Variants in METTL5 observed in about 807,000 individuals in gnomAD.
METTL5 encodes rRNA N(6)-adenosine-methyltransferase METTL5.
In METTL5, 28 loss-of-function variants were observed where a neutral mutation model predicts 26.5. The ratio of observed to expected loss-of-function variants is 1.06; its 90% CI spans 0.78 to 1.45. The LOEUF is 1.45. METTL5 is among the 40% of genes most tolerant of loss of function. The probability of loss-of-function intolerance (pLI) is 0.00; values close to 1 mark genes in which losing one functional copy is unlikely to be tolerated. For synonymous variants in METTL5, 86 were observed against 82.6 expected (o/e 1.04, Z -0.22); for missense variants, 231 against 249.9 (o/e 0.92, Z 0.51).
chr2:169,816,455 T>G (rs1014018243), intron 4 of METTL5, among the ~76,000 whole-genome samples: 2 of 152,056 alleles, frequency 1.3e-5, no homozygotes, highest in African/African-American at 2.4e-5. Context: ...CTACTTTAAA[T>G]TTCATATGGA....
rs1449224214 is a variant in METTL5 at position 169,819,544 on chromosome 2, A to G, written c.489+17T>C. 14 of 1,569,248 alleles carry G rather than the reference A, an allele frequency of 8.9e-6. No individual in the cohort carries two copies. The highest frequency in any genetic ancestry group is 1.2e-5 in the Non-Finnish European group (14 of 1,141,862). Reference sequence around the variant, plus strand: ...TTAAAAATCAATGCCACAGAATATCAGATGATTTGAACTTACTTCTCTAGT... The same window carrying G: ...TTAAAAATCAATGCCACAGAATATCGGATGATTTGAACTTACTTCTCTAGT... On this transcript the variant is annotated intron_variant, in intron 4 of 6. Coordinates refer to ENST00000260953, the MANE Select transcript of METTL5 (RefSeq NM_014168.4).
intron 1 of METTL5, 41 bp from the exon 2 acceptor site, chr2:169,822,098 G>A: frequency 6.4e-7 from 1 of 1,572,188 alleles, no homozygotes; most frequent in Non-Finnish European, 8.6e-7. Context: ...GCAAGCCGGT[G>A]ACTAAAATCT....
At position 169,824,753 on chromosome 2, in the gene METTL5, G is replaced by C. The variant is rs2081631049; in HGVS notation, c.-156C>G. 5 of 606,220 alleles carry C rather than the reference G, an allele frequency of 8.2e-6. No homozygotes were observed. Among genetic ancestry groups the C allele is most frequent in the South Asian group, 7.7e-5 (4 of 51,900 alleles). The allele number at this position is 606,220 out of a possible 1,614,324, so 37.6% of individuals were successfully genotyped here. A position where few individuals can be genotyped will look rare whatever the true frequency, so the allele number is the denominator to read the frequency against. ...ACGCGCCCTAAGGAGACGCCCGGAC[G>C]CAGGGCACGGGGCGAGCCTCTGACC... On this transcript the variant is annotated 5_prime_UTR_variant, in exon 1 of 7. Coordinates refer to ENST00000260953, the MANE Select transcript of METTL5 (RefSeq NM_014168.4).
chr2:169,820,495 C>T (rs2081569477), intron 3 of METTL5, among the ~76,000 whole-genome samples: 1 of 152,130 alleles, frequency 6.6e-6, no homozygotes, highest in South Asian at 2.1e-4. Flanking sequence ...CAATAAATGA[C>T]ATGACTATCT....
At chr2:169,818,164 A>G (rs1219763040) in intron 4 of METTL5, among the ~76,000 whole-genome samples, 1 of 152,150 alleles carries the variant, frequency 6.6e-6, no homozygotes, top group Non-Finnish European at 1.5e-5. Context: ...TGCCTACATG[A>G]TCAGTCCCTA....
chr2:169,812,817 T>A (rs1471353529), intron 5 of METTL5: 1 of 223,576 alleles, frequency 4.5e-6, no homozygotes, highest in Admixed American at 5.8e-5. Flanking sequence ...AATTTCCTAA[T>A]AGTCTATAGC....
chr2:169,822,026 A>T lies in METTL5; in HGVS notation c.141T>A (p.Tyr47Ter). The stretch of plus-strand genomic sequence containing the variant: ...CAACGACTTTATTTTCAATGTCATC[A>T]TAAGTGTTATGGATTGTATAGAGCA... ...ACMLYTIHNT[Y>*]DDIENKVVAD... is the part of the protein sequence containing the mutation. Residue 47 changes from tyrosine to a stop codon, truncating the protein, a stop_gained, in exon 2 of 7, where the codon TAT becomes TAA. Transcript: ENST00000260953. LOFTEE classifies it high-confidence loss of function. 1 of 1,612,740 alleles carries T rather than the reference A, an allele frequency of 6.2e-7. No individual in the cohort carries two copies. Among genetic ancestry groups the T allele is most frequent in the Middle Eastern group, 1.7e-4 (1 of 6,060 alleles).
At position 169,821,991 on chromosome 2, in the gene METTL5, C is replaced by G. The variant is rs769892847; in HGVS notation, c.176G>C (p.Gly59Ala). The G allele has an allele frequency of 6.2e-7, 1 of 1,613,570 alleles. No individual in the cohort carries two copies. The highest frequency in any genetic ancestry group is 1.3e-5 in the African/African-American group (1 of 74,936). ...GATGCTAAGTACTCCACAACCACAT[C>G]CTAGATCTGCAACGACTTTATTTTC... ...DIENKVVADL[G>A]CGCGVLSIGT... Residue 59 changes from glycine (G) to alanine (A), a missense_variant, in exon 2 of 7, where the codon GGA becomes GCA. By Grantham distance (60) the Gly-to-Ala change is moderately conservative. Coordinates refer to ENST00000260953, the MANE Select transcript of METTL5 (RefSeq NM_014168.4).
chr2:169,822,292 C>T (rs2081595587), intron 1 of METTL5, among the ~76,000 whole-genome samples: 1 of 146,834 alleles, frequency 6.8e-6, no homozygotes, highest in African/African-American at 2.5e-5. Flanking sequence ...GCTAGCAATG[C>T]CAAGAATGAC....
intron 5 of METTL5, among the ~76,000 whole-genome samples, chr2:169,814,199 A>AT (rs1390079616): frequency 6.6e-6 from 1 of 151,892 alleles, no homozygotes; most frequent in East Asian, 1.9e-4. Flanking sequence ...TAGAGAATGA[A>AT]ATTAGAGGCT....
intron 2 of METTL5, among the ~76,000 whole-genome samples, chr2:169,821,720 G>A: frequency 6.6e-6 from 1 of 152,094 alleles, no homozygotes; most frequent in Non-Finnish European, 1.5e-5. Context: ...CCCGGCAGGG[G>A]TTGGAAACTC....
At chr2:169,816,217 T>C (rs1323641766) in intron 4 of METTL5, among the ~76,000 whole-genome samples, 3 of 152,360 alleles carry the variant, frequency 2.0e-5, no homozygotes, top group East Asian at 1.9e-4. Context: ...GGCAGAGATA[T>C]AGGTACATGG....
intron 1 of METTL5, 124 bp downstream of exon 1, chr2:169,824,365 G>A: frequency 1.3e-6 from 1 of 750,998 alleles, no homozygotes; most frequent in South Asian, 1.6e-5. Context: ...TCTCTAACGC[G>A]ACAGGTGATC....
chr2:169,814,995 G>A (rs543818077), intron 5 of METTL5, among the ~76,000 whole-genome samples: 1 of 151,938 alleles, frequency 6.6e-6, no homozygotes, highest in Non-Finnish European at 1.5e-5. Context: ...GGACTCAAGC[G>A]ATTCTCCCGC....
chr2:169,824,485 C>G lies in METTL5; in HGVS notation c.109+4G>C. Reference sequence around the variant, plus strand: ...GCCGGGGCGTGGTGAACCAGCCGCCCTACCTGCAATGTGCGGCCTGGTAGG... The same window carrying G: ...GCCGGGGCGTGGTGAACCAGCCGCCGTACCTGCAATGTGCGGCCTGGTAGG... On this transcript the variant is annotated splice_donor_region_variant and intron_variant, in intron 1 of 6. Coordinates refer to ENST00000260953, the MANE Select transcript of METTL5 (RefSeq NM_014168.4). The G allele has an allele frequency of 6.2e-7, 1 of 1,612,340 alleles. No individual in the cohort carries two copies.
At chr2:169,812,548 A>G (rs1690008815) in intron 5 of METTL5, 42 bp from the exon 6 acceptor site, 2 of 1,601,806 alleles carry the variant, frequency 1.2e-6, no homozygotes, top group Non-Finnish European at 1.7e-6. Flanking sequence ...TGTATTTCCA[A>G]GCGTTTACCA....
At chr2:169,824,382 C>G in intron 1 of METTL5, 107 bp downstream of exon 1, 1 of 904,590 alleles carries the variant, frequency 1.1e-6, no homozygotes, top group Non-Finnish European at 1.8e-6. Flanking sequence ...GATCTTAGGG[C>G]AGAATTTCTC....
chr2:169,824,895 G>A lies in METTL5; in HGVS notation c.-298C>T. On this transcript the variant is annotated 5_prime_UTR_variant, in exon 1 of 7. Coordinates refer to ENST00000260953, the MANE Select transcript of METTL5 (RefSeq NM_014168.4). ...CTGGAGGCGACCCGCACCTCGGCCG[G>A]TGCCGGAAGCGCCAGGCCGCACGCG... is the stretch of plus-strand genomic sequence containing the variant. 5.0e-6 allele frequency: 1 copy of A among 199,178 alleles called. No homozygotes were observed. Among genetic ancestry groups the A allele is most frequent in the African/African-American group, 2.3e-5 (1 of 43,112 alleles). The allele number at this position is 199,178 out of a possible 1,614,324, so 12.3% of individuals were successfully genotyped here.
Position 169,811,822 on chromosome 2 carries a change from A to G in METTL5, c.628T>C (p.Ter210GlnextTer14). Residue 210 changes from the stop codon to glutamine (Q), a stop_lost, in exon 7 of 7, where the codon TAA becomes CAA. Coordinates refer to ENST00000260953, the MANE Select transcript of METTL5 (RefSeq NM_014168.4). ...AACGACTTTTGTTTGCGGGGCTTTT[A>G]AAAGGAAAACCGAATTAGGTCCACT... ...IEVDLIRFSF[*>Q] 1 of 1,613,690 alleles carries G rather than the reference A, an allele frequency of 6.2e-7. No individual in the cohort carries two copies. Among genetic ancestry groups the G allele is most frequent in the Non-Finnish European group, 8.5e-7 (1 of 1,179,784 alleles).
Sources: allele counts gnomAD v4.1 joint callset (sites outside exome capture counted in the v4.1 genomes callset), GRCh38; gene constraint gnomAD v4.1.1; transcripts MANE v1.5; gene names NCBI Gene and HGNC (gene_info 2026-07-23, HGNC 2026-07-21).